Variants in AKT3 observed in about 807,000 individuals in gnomAD.
AKT3 encodes RAC-gamma serine/threonine-protein kinase.
A neutral mutation model predicts 65.3 loss-of-function variants in AKT3; 15 were observed. The observed-to-expected ratio is 0.23, with a 90% confidence interval of 0.15 to 0.35. The LOEUF (loss-of-function observed/expected upper bound fraction) is 0.35. Among genes scored for constraint, AKT3 ranks in the 10% least tolerant of loss-of-function variants. The pLI, the probability that AKT3 is intolerant of heterozygous loss-of-function variation, is 1.00. For missense variants in AKT3, 243 were observed against 576.5 expected (o/e 0.42, Z 5.92); for synonymous variants, 206 against 183.8 (o/e 1.12, Z -0.98).
intron 2 of AKT3, among the ~76,000 whole-genome samples, chr1:243,819,581 T>C: frequency 6.6e-6 from 1 of 152,150 alleles, no homozygotes; most frequent in East Asian, 1.9e-4. Flanking sequence ...CTCTGAGGAA[T>C]CCAGGTAGTC....
At chr1:243,676,018 G>A (rs1344968552) in intron 3 of AKT3, among the ~76,000 whole-genome samples, 1 of 152,104 alleles carries the variant, frequency 6.6e-6, no homozygotes, top group Non-Finnish European at 1.5e-5. Flanking sequence ...AACAAAACAA[G>A]GTGCCTATTT....
intron 2 of AKT3, among the ~76,000 whole-genome samples, chr1:243,811,605 T>C (rs996843570): frequency 6.6e-6 from 1 of 152,134 alleles, no homozygotes; most frequent in Non-Finnish European, 1.5e-5. Flanking sequence ...CCCAAGGTAA[T>C]TTATAGATTC....
At chr1:243,532,621 A>G (rs562065154) in intron 12 of AKT3, among the ~76,000 whole-genome samples, 1 of 152,274 alleles carries the variant, frequency 6.6e-6, no homozygotes, top group East Asian at 1.9e-4. Context: ...TTCTTTTCTT[A>G]TAATGCCTCT....
At chr1:243,586,793 G>A (rs2148540508) in intron 8 of AKT3, among the ~76,000 whole-genome samples, 1 of 151,992 alleles carries the variant, frequency 6.6e-6, no homozygotes, top group East Asian at 1.9e-4. Flanking sequence ...CCTGATCATG[G>A]GATCATTTGT....
intron 3 of AKT3, among the ~76,000 whole-genome samples, chr1:243,691,821 G>A (rs1453082513): frequency 1.3e-5 from 2 of 152,208 alleles, no homozygotes; most frequent in Admixed American, 1.3e-4. Context: ...AGAGATTTAA[G>A]TGTGGGAGTA....
intron 13 of AKT3, among the ~76,000 whole-genome samples, chr1:243,491,098 T>C (rs1313297498): frequency 1.3e-5 from 2 of 152,216 alleles, no homozygotes; most frequent in African/African-American, 2.4e-5. Context: ...GCAGCTTCCT[T>C]TGGGCTCTGG....
intron 9 of AKT3, 26 bp downstream of exon 9, chr1:243,572,900 T>G: frequency 6.3e-7 from 1 of 1,587,520 alleles, no homozygotes; most frequent in South Asian, 1.1e-5. Flanking sequence ...AAAAACAAAT[T>G]TTGATTACTT....
intron 3 of AKT3, among the ~76,000 whole-genome samples, chr1:243,681,061 G>T (rs1441605915): frequency 1.3e-5 from 2 of 152,070 alleles, no homozygotes; most frequent in Non-Finnish European, 2.9e-5. Context: ...TATGGAAAAA[G>T]CACTGGTCTG....
At chr1:243,819,365 G>A (rs796827647) in intron 2 of AKT3, among the ~76,000 whole-genome samples, 23 of 152,328 alleles carry the variant, frequency 1.5e-4, no homozygotes, top group African/African-American at 5.3e-4. Context: ...CAAGGACAGC[G>A]GCTGTGGCAG....
chr1:243,533,538 G>T (rs1374894159), intron 12 of AKT3, among the ~76,000 whole-genome samples: 1 of 152,086 alleles, frequency 6.6e-6, no homozygotes, highest in Non-Finnish European at 1.5e-5. Flanking sequence ...CAAACTCAAG[G>T]GCTGGCAGTT....
intron 8 of AKT3, among the ~76,000 whole-genome samples, chr1:243,589,289 C>A (rs1221434073): frequency 9.3e-6 from 1 of 107,364 alleles, no homozygotes; most frequent in Non-Finnish European, 1.7e-5. Context: ...CTAGGCAACA[C>A]GAGCAAAACT....
chr1:243,497,337 T>TGGC (rs1668196804), downstream of AKT3, among the ~76,000 whole-genome samples: 5 of 35,362 alleles, frequency 1.4e-4, no homozygotes, highest in African/African-American at 2.5e-4. Flanking sequence ...TAGGCACGGG[T>TGGC]GGGGGGGGGG....
rs148419362 is a variant in AKT3 at position 243,533,094 on chromosome 1, A to G, written c.1251+12416T>C. The stretch of plus-strand genomic sequence containing the variant: ...GTTTTGCTGATTTTTCAAATAACCA[A>G]CTTTCGGTTTCGGTCATTATTCTCT... On this transcript the variant is annotated intron_variant, in intron 12 of 13. Transcript: ENST00000673466. 3.5e-3 allele frequency among the ~76,000 whole-genome samples: 539 copies of G among 152,242 alleles called. 5 individuals carry two copies. Among genetic ancestry groups the G allele is most frequent in the African/African-American group, 0.013 (533 of 41,538 alleles).
At chr1:243,804,193 A>G (rs1289040909) in intron 2 of AKT3, among the ~76,000 whole-genome samples, 2 of 152,206 alleles carry the variant, frequency 1.3e-5, no homozygotes, top group East Asian at 1.9e-4. Context: ...TAAATTTTTA[A>G]TAGTACTGAC....
rs33995513 is a variant in AKT3, at chr1:243,552,288, CAAAAAAA to C, written c.1163+434_1163+440del. On this transcript the variant is annotated intron_variant, in intron 11 of 13. Coordinates refer to ENST00000673466, the MANE Select transcript of AKT3 (RefSeq NM_005465.7). Reference sequence around the variant, plus strand: ...TGGGTGGCAGAGTGAGACTCTGTCTCAAAAAAAAAAAAAAAAAAAAAAAAAAATGCAA... The same window carrying C: ...TGGGTGGCAGAGTGAGACTCTGTCTCAAAAAAAAAAAAAAAAAAAATGCAA... Among the ~76,000 whole-genome samples, 121 of 50,164 alleles carry C rather than the reference CAAAAAAA, an allele frequency of 2.4e-3. 2 individuals are homozygous for C. Among genetic ancestry groups the C allele is most frequent in the African/African-American group, 0.011 (105 of 9,964 alleles). The allele number at this position is 50,164 out of a possible 152,430, so 32.9% of individuals were successfully genotyped here.
intron 2 of AKT3, among the ~76,000 whole-genome samples, chr1:243,784,696 C>A (rs1275618502): frequency 7.2e-5 from 11 of 152,198 alleles, no homozygotes. Flanking sequence ...ACACTGCTCT[C>A]TGGGCACCAC....
chr1:243,732,460 T>C (rs1394551049), intron 2 of AKT3, among the ~76,000 whole-genome samples: 1 of 152,240 alleles, frequency 6.6e-6, no homozygotes, highest in African/African-American at 2.4e-5. Context: ...TTTTAAATAA[T>C]ACCCTCAGAC....
intron 4 of AKT3, among the ~76,000 whole-genome samples, chr1:243,648,849 AT>A (rs1681049972): frequency 6.6e-6 from 1 of 151,554 alleles, no homozygotes; most frequent in Non-Finnish European, 1.5e-5. Context: ...AATTCTATTA[AT>A]TTTTTTCAAA....
intron 3 of AKT3, among the ~76,000 whole-genome samples, chr1:243,667,735 C>G (rs867695434): frequency 6.6e-6 from 1 of 152,148 alleles, no homozygotes; most frequent in Non-Finnish European, 1.5e-5. Flanking sequence ...ATGAGTAAGG[C>G]CTTTAAGTGA....
Sources: gnomAD v4.1 joint callset for allele counts (sites outside exome capture counted in the v4.1 genomes callset) on GRCh38, gnomAD v4.1.1 for gene constraint, MANE v1.5 for transcripts, NCBI Gene and HGNC (gene_info 2026-07-23, HGNC 2026-07-21) for gene names.